The following ZNF827 variants were observed in gnomAD, a reference collection of about 807,000 sequenced individuals.
The protein encoded by ZNF827 is zinc finger protein 827.
Under a neutral mutation model 102.4 loss-of-function variants are expected in ZNF827, and 13 were observed. The ratio of observed to expected loss-of-function variants is 0.13; its 90% CI spans 0.08 to 0.20. The LOEUF (loss-of-function observed/expected upper bound fraction) is 0.20. Ranked by LOEUF, ZNF827 falls within the 10% of genes least tolerant of loss-of-function variation. The pLI, the probability that ZNF827 is intolerant of heterozygous loss-of-function variation, is 1.00. For missense variants in ZNF827, 1,103 were observed against 1,344.4 expected (o/e 0.82, Z 2.81); for synonymous variants, 523 against 536.2 (o/e 0.98, Z 0.34).
chr4:145,809,124 C>G (rs1741772990), intron 8 of ZNF827, among the ~76,000 whole-genome samples: 1 of 152,214 alleles, frequency 6.6e-6, no homozygotes, highest in Non-Finnish European at 1.5e-5. Context: ...AAATGTGGTT[C>G]TGCCAAAGTG....
intron 8 of ZNF827, 54 bp from the exon 9 acceptor site, chr4:145,779,565 C>T (rs1163288818): frequency 3.2e-6 from 5 of 1,585,878 alleles, no homozygotes; most frequent in East Asian, 2.3e-5. Flanking sequence ...AATACATTTT[C>T]TGTTAGTCAA....
In ZNF827 at chr4:145,920,465, G is replaced by A. The variant is rs75587504; in HGVS notation, c.44-17250C>T. ...TGGTATCCCCTGCAGCATACGCCAC[G>A]GCCTCTGCTCTTCTGGGCAAGTCTC... On this transcript the variant is annotated intron_variant, in intron 1 of 14. Coordinates refer to ENST00000508784, the MANE Select transcript of ZNF827 (RefSeq NM_001306215.2). 1.0e-3 allele frequency among the ~76,000 whole-genome samples: 159 copies of A among 152,254 alleles called. 5 individuals are homozygous for A. The East Asian group carries it at 0.026, about 24-fold the overall frequency.
intron 1 of ZNF827, among the ~76,000 whole-genome samples, chr4:145,908,767 G>T (rs988916556): frequency 8.5e-5 from 13 of 152,170 alleles, no homozygotes; most frequent in African/African-American, 3.1e-4. Flanking sequence ...AACAGTCTCT[G>T]GCATAAAAGT....
Position 145,903,993 on chromosome 4 carries a change from C to T in ZNF827, c.44-778G>A, listed in dbSNP as rs182188715. On this transcript the variant is annotated intron_variant, in intron 1 of 14. Transcript: ENST00000508784. ...ATGCTTGCCATATTATCACAGGCAG[C>T]GGTTAGGAATGTGTTCCCTCCCTCC... Among the ~76,000 whole-genome samples the T allele has an allele frequency of 2.0e-3, 306 of 152,256 alleles. 2 individuals carry two copies. Among genetic ancestry groups the T allele is most frequent in the Non-Finnish European group, 2.1e-3 (142 of 68,022 alleles).
chr4:145,815,544 G>T (rs1044263251), intron 8 of ZNF827, among the ~76,000 whole-genome samples: 1 of 152,164 alleles, frequency 6.6e-6, no homozygotes, highest in Non-Finnish European at 1.5e-5. Flanking sequence ...AATGAAAATA[G>T]ATGGTCTAGT....
intron 5 of ZNF827, among the ~76,000 whole-genome samples, chr4:145,852,719 C>A (rs557940136): frequency 6.6e-6 from 1 of 152,120 alleles, no homozygotes; most frequent in Non-Finnish European, 1.5e-5. Flanking sequence ...GGTCTCTCTA[C>A]CCACTAGATA....
At chr4:145,881,266 G>A (rs1749637847) in intron 4 of ZNF827, among the ~76,000 whole-genome samples, 1 of 152,196 alleles carries the variant, frequency 6.6e-6, no homozygotes, top group Non-Finnish European at 1.5e-5. Context: ...TTCATAAACT[G>A]TCTCTGTGAG....
In ZNF827 at chr4:145,759,423, A is replaced by C. The variant is rs1462336456; in HGVS notation, c.*2193T>G. On this transcript the variant is annotated 3_prime_UTR_variant, in exon 15 of 15. Transcript: ENST00000508784. ...ACCACAAAATAAGAGCTTTTAAATA[A>C]GTATAAAGTTAGCCTCCTAGCAGGT... 6.6e-6 allele frequency: 1 copy of C among 152,244 alleles called. No individual in the cohort carries two copies. Among genetic ancestry groups the C allele is most frequent in the East Asian group, 1.9e-4 (1 of 5,202 alleles). 9.4% of individuals were successfully genotyped at this position (152,244 alleles called of 1,614,324 possible).
intron 2 of ZNF827, among the ~76,000 whole-genome samples, chr4:145,900,979 C>A (rs1328682733): frequency 6.6e-6 from 1 of 152,152 alleles, no homozygotes; most frequent in African/African-American, 2.4e-5. Context: ...CACCAAGAGT[C>A]ATAAAAGTCC....
At chr4:145,893,111 T>A (rs551083463) in intron 2 of ZNF827, among the ~76,000 whole-genome samples, 1 of 152,350 alleles carries the variant, frequency 6.6e-6, no homozygotes, top group African/African-American at 2.4e-5. Context: ...GCACGGTGAC[T>A]GGGCCTCATT....
In ZNF827 at chr4:145,902,319, G is replaced by C. The variant is rs1474866441; in HGVS notation, c.940C>G (p.Pro314Ala). The C allele has an allele frequency of 1.9e-6, 3 of 1,601,954 alleles. No individual in the cohort carries two copies. In the South Asian group the frequency reaches 3.4e-5, roughly 18 times the overall value. ...TTCTCTGAAGGCGGGGGCGGTAGAG[G>C]GTCCTCAGGCAGCAGCGATGATTTC... ...AEKSSLLPED[P>A]LPPPPSEKKP... The change falls in exon 2 of 15, where the codon CCT (proline) becomes GCT (alanine). Residue 314 changes from proline to alanine, a missense_variant. Transcript: ENST00000508784. The surrounding 1 kb of genome is among the most constrained non-coding windows in gnomAD (Gnocchi z 4.3).
chr4:145,782,714 C>T (rs1738277159), intron 8 of ZNF827, among the ~76,000 whole-genome samples: 1 of 152,234 alleles, frequency 6.6e-6, no homozygotes, highest in Non-Finnish European at 1.5e-5. Context: ...AAAGGCTCCT[C>T]AAGGCCAAAC....
intron 8 of ZNF827, among the ~76,000 whole-genome samples, chr4:145,785,853 C>T (rs1311155906): frequency 6.6e-6 from 1 of 152,198 alleles, no homozygotes; most frequent in East Asian, 1.9e-4. Flanking sequence ...GAGTTTAATA[C>T]TCTTGGTTAC....
chr4:145,872,523 T>A (rs1463450622), intron 4 of ZNF827, among the ~76,000 whole-genome samples: 1 of 152,236 alleles, frequency 6.6e-6, no homozygotes, highest in East Asian at 1.9e-4. Flanking sequence ...GGCATTTTGT[T>A]ACGCGGTATT....
chr4:145,858,657 A>G (rs1275884108), intron 5 of ZNF827, among the ~76,000 whole-genome samples: 1 of 149,842 alleles, frequency 6.7e-6, no homozygotes, highest in African/African-American at 2.5e-5. Context: ...AAAAAAAAAA[A>G]GGAAAAATGA....
At chr4:145,909,301 G>A (rs572801585) in intron 1 of ZNF827, among the ~76,000 whole-genome samples, 1 of 152,284 alleles carries the variant, frequency 6.6e-6, no homozygotes, top group South Asian at 2.1e-4. Context: ...CAGAAAACCA[G>A]CAGGACCGCA....
intron 4 of ZNF827, chr4:145,876,821 G>A (rs1212116590): frequency 4.6e-5 from 7 of 152,172 alleles, no homozygotes; most frequent in South Asian, 2.1e-4. Flanking sequence ...TGTCAACTTT[G>A]AAGCAAAAGC....
chr4:145,938,622 C>CTT lies in ZNF827; in HGVS notation c.-217_-216dup, dbSNP rs370427705. ...CTTCTTTTCTTTCCTTTCTTTTTTC[C>CTT]TTTTTTTTTTTTTTTTAAATTTTTG... is the stretch of plus-strand genomic sequence containing the variant. On this transcript the variant is annotated 5_prime_UTR_variant, in exon 1 of 15. Coordinates refer to ENST00000508784, the MANE Select transcript of ZNF827 (RefSeq NM_001306215.2). 435 of 420,070 alleles carry CTT rather than the reference C, an allele frequency of 1.0e-3. No individual in the cohort carries two copies. The highest frequency in any genetic ancestry group is 1.2e-3 in the Non-Finnish European group (289 of 233,934). The allele number at this position is 420,070 out of a possible 1,614,324, so 26.0% of individuals were successfully genotyped here.
intron 8 of ZNF827, among the ~76,000 whole-genome samples, chr4:145,819,623 C>T (rs1285059640): frequency 1.3e-5 from 2 of 152,168 alleles, no homozygotes; most frequent in Admixed American, 1.3e-4. Flanking sequence ...TTTCTATCTC[C>T]CCCATGATAG....
Sources: gnomAD v4.1 joint callset for allele counts (sites outside exome capture counted in the v4.1 genomes callset) on GRCh38, gnomAD v4.1.1 for gene constraint, Gnocchi (gnomAD v3.1) non-coding constraint, MANE v1.5 for transcripts, NCBI Gene and HGNC (gene_info 2026-07-23, HGNC 2026-07-21) for gene names.